Variants in TPRG1 observed in about 807,000 individuals in gnomAD.
TPRG1 encodes tumor protein p63-regulated gene 1 protein.
In TPRG1, 29 loss-of-function variants were observed where a neutral mutation model predicts 29.3. That is an observed-to-expected ratio of 0.99 (90% CI 0.74 to 1.35). TPRG1 has a LOEUF of 1.35. Ranked by LOEUF, TPRG1 falls within the 40% of genes most tolerant of loss-of-function variation. The pLI is 0.00. For missense variants in TPRG1, 327 were observed against 335.0 expected, an observed-to-expected ratio of 0.98 and a Z score of 0.19; for synonymous variants, 130 against 116.8, an observed-to-expected ratio of 1.11 and a Z score of -0.73.
chr3:189,059,518 AGAGGTG>A (rs1397527085), intron 4 of TPRG1, among the ~76,000 whole-genome samples: 1 of 151,994 alleles, frequency 6.6e-6, no homozygotes, highest in African/African-American at 2.4e-5. Flanking sequence ...CTTGAACCCA[AGAGGTG>A]GAGGTTGCAG....
chr3:189,206,828 T>TGTGTGTGTGTGTGTGCGC (rs1001912347), intron 1 of TPRG1, among the ~76,000 whole-genome samples: 4 of 151,782 alleles, frequency 2.6e-5, no homozygotes, highest in African/African-American at 9.7e-5. Context: ...TGTGTGTGTG[T>TGTGTGTGTGTGTGTGCGC]GCACGCGTGT....
chr3:189,252,222 T>A (rs1022035718), intron 4 of TPRG1, among the ~76,000 whole-genome samples: 1 of 152,094 alleles, frequency 6.6e-6, no homozygotes, highest in Non-Finnish European at 1.5e-5. Context: ...GGTTATAGAT[T>A]AACAGCATCT....
chr3:189,042,506 A>G (rs1275505838), intron 4 of TPRG1, among the ~76,000 whole-genome samples: 1 of 152,202 alleles, frequency 6.6e-6, no homozygotes, highest in African/African-American at 2.4e-5. Context: ...TTTTCAAGAA[A>G]TACTTTTTGA....
intron 4 of TPRG1, among the ~76,000 whole-genome samples, chr3:189,067,405 C>T (rs1454032069): frequency 6.6e-6 from 1 of 152,120 alleles, no homozygotes; most frequent in East Asian, 1.9e-4. Flanking sequence ...AATCACATTA[C>T]CTGACCTCTA....
At chr3:189,058,819 T>A (rs1286055521) in intron 4 of TPRG1, among the ~76,000 whole-genome samples, 1 of 152,218 alleles carries the variant, frequency 6.6e-6, no homozygotes, top group African/African-American at 2.4e-5. Context: ...TTTATGCTTT[T>A]GCTGCTCAGG....
intron 1 of TPRG1, among the ~76,000 whole-genome samples, chr3:189,101,738 C>T (rs936287333): frequency 9.2e-5 from 14 of 151,680 alleles, no homozygotes; most frequent in Non-Finnish European, 4.4e-5. Flanking sequence ...CACCAAACTT[C>T]TCCAACCTAA....
intron 5 of TPRG1, among the ~76,000 whole-genome samples, chr3:189,160,240 G>A (rs987065613): frequency 6.6e-6 from 1 of 152,182 alleles, no homozygotes; most frequent in Non-Finnish European, 1.5e-5. Flanking sequence ...AGGTTGACTA[G>A]AGATTTGATG....
intron 4 of TPRG1, among the ~76,000 whole-genome samples, chr3:189,039,927 A>G (rs1285585959): frequency 6.6e-6 from 1 of 152,064 alleles, no homozygotes; most frequent in Non-Finnish European, 1.5e-5. Context: ...CCAGTCTGCT[A>G]TGGAATTCTT....
chr3:189,074,822 T>A (rs916614341), intron 4 of TPRG1, among the ~76,000 whole-genome samples: 1 of 152,156 alleles, frequency 6.6e-6, no homozygotes, highest in African/African-American at 2.4e-5. Context: ...TACCTTTTTT[T>A]TTTTCTTGAG....
intron 1 of TPRG1, among the ~76,000 whole-genome samples, chr3:189,200,832 G>A (rs1355294816): frequency 6.6e-6 from 1 of 152,196 alleles, no homozygotes; most frequent in East Asian, 1.9e-4. Flanking sequence ...CAGTTTGAAA[G>A]TCTGTGTCTT....
intron 4 of TPRG1, among the ~76,000 whole-genome samples, chr3:189,149,475 A>G (rs1419090360): frequency 3.9e-5 from 6 of 152,172 alleles, no homozygotes; most frequent in Non-Finnish European, 7.3e-5. Flanking sequence ...TTCTGTGAAG[A>G]CATGGAGCTT....
chr3:189,316,567 A>G (rs918491696), intron 5 of TPRG1, among the ~76,000 whole-genome samples: 3 of 152,150 alleles, frequency 2.0e-5, no homozygotes, highest in African/African-American at 4.8e-5. Context: ...CAGGCAATGA[A>G]CTGTTGGCAG....
At chr3:189,045,120 T>A (rs762297849) in intron 4 of TPRG1, among the ~76,000 whole-genome samples, 4 of 152,236 alleles carry the variant, frequency 2.6e-5, no homozygotes, top group Non-Finnish European at 5.9e-5. Context: ...TGGGTTAAGG[T>A]CTATTTTTAA....
At chr3:189,017,822 A>T (rs907326725) in intron 3 of TPRG1, among the ~76,000 whole-genome samples, 6 of 152,026 alleles carry the variant, frequency 3.9e-5, no homozygotes, top group African/African-American at 1.2e-4. Flanking sequence ...TCCACAAGGG[A>T]TGAACTAGTT....
intron 4 of TPRG1, among the ~76,000 whole-genome samples, chr3:189,241,310 A>C (rs1740545374): frequency 6.6e-6 from 1 of 152,114 alleles, no homozygotes; most frequent in Admixed American, 6.6e-5. Context: ...AAAGTCTCTT[A>C]TTTGGGGTTC....
chr3:189,107,217 G>A (rs1035670191), intron 1 of TPRG1, among the ~76,000 whole-genome samples: 6 of 152,066 alleles, frequency 3.9e-5, no homozygotes, highest in African/African-American at 1.4e-4. Context: ...ATAGGGGAAT[G>A]TGAAGGGGAG....
intron 4 of TPRG1, among the ~76,000 whole-genome samples, chr3:189,054,001 A>G (rs1715498574): frequency 6.6e-6 from 1 of 152,126 alleles, no homozygotes; most frequent in Middle Eastern, 3.2e-3. Flanking sequence ...TTTTTCCTCT[A>G]CATTCACAGT....
intron 4 of TPRG1, among the ~76,000 whole-genome samples, chr3:189,084,232 A>T (rs1394458236): frequency 6.6e-6 from 1 of 152,206 alleles, no homozygotes; most frequent in Non-Finnish European, 1.5e-5. Flanking sequence ...CAATTATTTT[A>T]TTATAAATTA....
chr3:189,118,263 A>G (rs1430172303), intron 1 of TPRG1, among the ~76,000 whole-genome samples: 1 of 152,134 alleles, frequency 6.6e-6, no homozygotes, highest in Non-Finnish European at 1.5e-5. Context: ...CCTGCCCTAG[A>G]GATCTGTGGA....
Sources: allele counts gnomAD v4.1 joint callset (sites outside exome capture counted in the v4.1 genomes callset), GRCh38; gene constraint gnomAD v4.1.1; transcripts MANE v1.5; gene names NCBI Gene and HGNC (gene_info 2026-07-23, HGNC 2026-07-21).